The following ZCCHC4 variants were observed in gnomAD, a reference collection of about 807,000 sequenced individuals.
ZCCHC4 encodes zinc finger CCHC-type containing 4.
Under a neutral mutation model 67.7 loss-of-function variants are expected in ZCCHC4, and 54 were observed. The observed-to-expected ratio is 0.80, with a 90% CI of 0.64 to 1.00. The LOEUF (loss-of-function observed/expected upper bound fraction) is 1.00, where lower values mean the gene tolerates loss of function less well. ZCCHC4 is among the 50% of genes least tolerant of loss of function. The pLI, the probability that ZCCHC4 is intolerant of heterozygous loss-of-function variation, is 0.00. For missense variants in ZCCHC4, 609 were observed against 617.0 expected, an observed-to-expected ratio of 0.99 and a Z score of 0.14; for synonymous variants, 198 against 213.5, an observed-to-expected ratio of 0.93 and a Z score of 0.63.
chr4:25,346,104 G>A (rs1012915562), intron 6 of ZCCHC4, among the ~76,000 whole-genome samples: 1 of 152,086 alleles, frequency 6.6e-6, no homozygotes, highest in African/African-American at 2.4e-5. Context: ...TCCCCAAAGG[G>A]TCAAGTTTTC....
intron 5 of ZCCHC4, among the ~76,000 whole-genome samples, chr4:25,335,754 C>G (rs906493334): frequency 6.6e-6 from 1 of 152,114 alleles, no homozygotes; most frequent in Non-Finnish European, 1.5e-5. Context: ...AGTGAGACCC[C>G]TGTCTCAAAA....
intron 3 of ZCCHC4, among the ~76,000 whole-genome samples, chr4:25,319,595 C>T (rs1048784330): frequency 3.9e-5 from 6 of 152,042 alleles, no homozygotes; most frequent in South Asian, 2.1e-4. Flanking sequence ...CTGGAGCAAA[C>T]GGTTTGAAAT....
rs2109098984 is a variant in ZCCHC4, at chr4:25,369,365, A to G, written c.*201A>G. On this transcript the variant is annotated 3_prime_UTR_variant, in exon 13 of 13. Coordinates refer to ENST00000302874, the MANE Select transcript of ZCCHC4 (RefSeq NM_024936.3). Reference sequence around the variant, plus strand: ...ATGGGGAGTTGTTCCATCTTCAGCCAGTTTACTAGTTCTTTCAGCATTCAT... The same window carrying G: ...ATGGGGAGTTGTTCCATCTTCAGCCGGTTTACTAGTTCTTTCAGCATTCAT... 1 of 576,358 alleles carries G rather than the reference A, an allele frequency of 1.7e-6. No individual in the cohort carries two copies. The highest frequency in any genetic ancestry group is 3.0e-6 in the Non-Finnish European group (1 of 338,550). The allele number at this position is 576,358 out of a possible 1,614,324, so 35.7% of individuals were successfully genotyped here. A position where few individuals can be genotyped will look rare whatever the true frequency, so the allele number is the denominator to read the frequency against.
At chr4:25,316,920 T>C (rs1718294725) in intron 3 of ZCCHC4, among the ~76,000 whole-genome samples, 1 of 152,230 alleles carries the variant, frequency 6.6e-6, no homozygotes, top group Admixed American at 6.5e-5. Context: ...GATGTTTCTT[T>C]TTTGAAATAC....
At chr4:25,365,203 CTGTGTT>C (rs1374353493) in intron 12 of ZCCHC4, 37 bp downstream of exon 12, 6 of 1,611,168 alleles carry the variant, frequency 3.7e-6, no homozygotes, top group Non-Finnish European at 5.1e-6. Context: ...TGTATTCCAT[CTGTGTT>C]TTATACAGGA....
intron 3 of ZCCHC4, among the ~76,000 whole-genome samples, chr4:25,324,797 A>T (rs1718774168): frequency 6.6e-6 from 1 of 152,190 alleles, no homozygotes; most frequent in Non-Finnish European, 1.5e-5. Context: ...GACATGGAAC[A>T]TCTTTTTATG....
chr4:25,329,633 C>G (rs1001531804), intron 3 of ZCCHC4, among the ~76,000 whole-genome samples: 23 of 148,504 alleles, frequency 1.5e-4, no homozygotes, highest in Middle Eastern at 3.3e-3. Context: ...CTCATGGGTT[C>G]AAGTGATTCT....
chr4:25,362,207 T>C lies in ZCCHC4; in HGVS notation c.1134-19T>C. The C allele has an allele frequency of 6.3e-7, 1 of 1,597,556 alleles. No homozygotes were observed. Among genetic ancestry groups the C allele is most frequent in the Middle Eastern group, 1.7e-4 (1 of 6,010 alleles). Reference sequence around the variant, plus strand: ...TCTCAATAAATGTATGCAGCTGATTTCTCTGTCCTTTACTCTAGATTTTGC... The same window carrying C: ...TCTCAATAAATGTATGCAGCTGATTCCTCTGTCCTTTACTCTAGATTTTGC... On this transcript the variant is annotated intron_variant, in intron 9 of 12. Coordinates refer to ENST00000302874, the MANE Select transcript of ZCCHC4 (RefSeq NM_024936.3).
chr4:25,346,884 A>C (rs1369563197), intron 6 of ZCCHC4, among the ~76,000 whole-genome samples: 1 of 152,220 alleles, frequency 6.6e-6, no homozygotes, highest in East Asian at 1.9e-4. Flanking sequence ...GGACAGTGGC[A>C]GTGAGAAAAG....
At chr4:25,362,395 T>C (rs1560417450) in intron 10 of ZCCHC4, 94 bp downstream of exon 10, 3 of 773,958 alleles carry the variant, frequency 3.9e-6, no homozygotes, top group Non-Finnish European at 5.8e-6. Flanking sequence ...ATTTTGTTAA[T>C]AGGATTTGTA....
At chr4:25,331,066 A>G (rs896422096) in intron 3 of ZCCHC4, among the ~76,000 whole-genome samples, 3 of 151,902 alleles carry the variant, frequency 2.0e-5, no homozygotes, top group Admixed American at 1.3e-4. Flanking sequence ...TGTCTCATCA[A>G]TTCCTTGGGC....
chr4:25,321,199 A>T (rs1577724885), intron 3 of ZCCHC4, among the ~76,000 whole-genome samples: 57 of 139,338 alleles, frequency 4.1e-4, no homozygotes, highest in South Asian at 9.6e-4. Context: ...TCTCTCTTTC[A>T]CTCTTGCTGC....
intron 3 of ZCCHC4, among the ~76,000 whole-genome samples, chr4:25,330,888 C>T (rs1329137707): frequency 6.6e-6 from 1 of 152,172 alleles, no homozygotes; most frequent in Non-Finnish European, 1.5e-5. Context: ...TGCATGTGCA[C>T]ATGCTGCTCA....
chr4:25,340,427 T>C (rs1719684568), intron 5 of ZCCHC4, among the ~76,000 whole-genome samples: 2 of 151,702 alleles, frequency 1.3e-5, no homozygotes, highest in African/African-American at 4.9e-5. Flanking sequence ...AAATGGGAAG[T>C]ATGAGTCTTC....
chr4:25,314,011 G>C, intron 1 of ZCCHC4, 35 bp from the exon 2 acceptor site: 4 of 1,003,484 alleles, frequency 4.0e-6, no homozygotes, highest in Non-Finnish European at 5.8e-6. Context: ...ACCATTACTT[G>C]ACACTTTTTT....
chr4:25,349,882 A>G (rs1277528284), intron 7 of ZCCHC4, among the ~76,000 whole-genome samples: 1 of 152,092 alleles, frequency 6.6e-6, no homozygotes, highest in Non-Finnish European at 1.5e-5. Context: ...GATGGGGATA[A>G]TGGGACATTA....
intron 5 of ZCCHC4, among the ~76,000 whole-genome samples, chr4:25,336,164 C>A: frequency 6.6e-6 from 1 of 152,238 alleles, no homozygotes; most frequent in East Asian, 1.9e-4. Context: ...TTCGCTTCCC[C>A]TCACAAGCAC....
chr4:25,353,499 T>G (rs551149972), intron 8 of ZCCHC4, among the ~76,000 whole-genome samples: 1 of 152,224 alleles, frequency 6.6e-6, no homozygotes, highest in Non-Finnish European at 1.5e-5. Flanking sequence ...AATACGGAGA[T>G]AGCTGACATA....
chr4:25,348,031 G>T (rs888305037), intron 6 of ZCCHC4, among the ~76,000 whole-genome samples: 4 of 152,134 alleles, frequency 2.6e-5, no homozygotes, highest in African/African-American at 4.8e-5. Context: ...TATTTTTAAA[G>T]TTAGGTTAGG....
Sources: gnomAD v4.1 joint callset for allele counts (sites outside exome capture counted in the v4.1 genomes callset) on GRCh38, gnomAD v4.1.1 for gene constraint, MANE v1.5 for transcripts, NCBI Gene and HGNC (gene_info 2026-07-23, HGNC 2026-07-21) for gene names.